Variants in NREP observed in about 807,000 individuals in gnomAD.
NREP encodes the protein neuronal regeneration-related protein.
NREP carries 5 observed loss-of-function variants against 8.6 expected under a neutral mutation model. The ratio of observed to expected loss-of-function variants is 0.58; its 90% CI spans 0.30 to 1.22. NREP has a LOEUF of 1.22. Ranked by LOEUF, NREP falls within the 50% of genes most tolerant of loss-of-function variation. The probability of loss-of-function intolerance (pLI) is 0.07; values close to 1 mark genes in which losing one functional copy is unlikely to be tolerated. For missense variants in NREP, 86 were observed against 82.5 expected (o/e 1.04, Z -0.17); for synonymous variants, 27 against 28.0 (o/e 0.96, Z 0.11).
chr5:111,876,202 T>A (rs1200808656), intron 2 of NREP, among the ~76,000 whole-genome samples: 2 of 152,222 alleles, frequency 1.3e-5, no homozygotes, highest in African/African-American at 4.8e-5. Context: ...CCATGCATGC[T>A]TCTAGCTTCC....
At chr5:111,749,362 C>T (rs73787369) in intron 2 of NREP, among the ~76,000 whole-genome samples, 2,173 of 152,050 alleles carry the variant, frequency 0.014, 52 homozygotes, top group African/African-American at 0.049. Flanking sequence ...CACATCATTT[C>T]ATGTTGAAAA....
intron 1 of NREP, chr5:111,976,651 T>C (rs914020454): frequency 7.1e-7 from 1 of 1,405,704 alleles, no homozygotes; most frequent in African/African-American, 1.4e-5. Context: ...CCTATAATTG[T>C]TTTCTTCCTT....
At chr5:111,785,243 T>C (rs555309092) in intron 2 of NREP, among the ~76,000 whole-genome samples, 1 of 152,326 alleles carries the variant, frequency 6.6e-6, no homozygotes, top group East Asian at 1.9e-4. Flanking sequence ...AACGTAGAGA[T>C]ATTCTACTCA....
intron 2 of NREP, among the ~76,000 whole-genome samples, chr5:111,803,105 G>T (rs1461943203): frequency 6.6e-6 from 1 of 152,148 alleles, no homozygotes; most frequent in African/African-American, 2.4e-5. Context: ...TGTTGGAGCA[G>T]GTCAGTGGAA....
At chr5:111,759,287 T>C (rs1750903068), upstream of NREP, among the ~76,000 whole-genome samples, 1 of 152,202 alleles carries the variant, frequency 6.6e-6, no homozygotes, top group African/African-American at 2.4e-5. Context: ...CCCAGTGATA[T>C]TTGTTCAAAA....
intron 2 of NREP, among the ~76,000 whole-genome samples, chr5:111,834,798 T>C (rs1463371751): frequency 3.9e-5 from 6 of 152,176 alleles, no homozygotes; most frequent in Admixed American, 3.3e-4. Context: ...GTAGATAATT[T>C]TTCCCCCCAG....
chr5:111,875,936 T>G (rs529765150), intron 2 of NREP, among the ~76,000 whole-genome samples: 3 of 152,268 alleles, frequency 2.0e-5, no homozygotes, highest in South Asian at 4.1e-4. Context: ...CCGTGAAATG[T>G]AAGGGGTTTT....
chr5:111,751,112 T>C (rs1444869408), intron 2 of NREP, among the ~76,000 whole-genome samples: 2 of 152,210 alleles, frequency 1.3e-5, no homozygotes, highest in African/African-American at 2.4e-5. Context: ...TTAATATGCA[T>C]AGATGAAATA....
intron 2 of NREP, among the ~76,000 whole-genome samples, chr5:111,925,265 G>T (rs57901295): frequency 0.059 from 8,974 of 151,922 alleles, 631 homozygotes; most frequent in East Asian, 0.23. Flanking sequence ...TCTGGACGGA[G>T]ATGTCTCTCC....
At chr5:111,789,869 G>A (rs925586094) in intron 2 of NREP, among the ~76,000 whole-genome samples, 9 of 152,236 alleles carry the variant, frequency 5.9e-5, no homozygotes, top group Middle Eastern at 6.8e-3. Flanking sequence ...GGCAATGGAA[G>A]AGCTTCCTTG....
intron 2 of NREP, among the ~76,000 whole-genome samples, chr5:111,915,905 A>G (rs1335934051): frequency 6.6e-6 from 1 of 152,130 alleles, no homozygotes; most frequent in Non-Finnish European, 1.5e-5. Context: ...CGCTAATATT[A>G]CTAGAAGAAT....
At chr5:111,845,158 G>T (rs139771042) in intron 2 of NREP, among the ~76,000 whole-genome samples, 53 of 152,156 alleles carry the variant, frequency 3.5e-4, no homozygotes, top group African/African-American at 1.3e-3. Context: ...GAATTTACAT[G>T]CTTACTTCAC....
intron 2 of NREP, among the ~76,000 whole-genome samples, chr5:111,861,914 A>G (rs1753552384): frequency 6.6e-6 from 1 of 152,058 alleles, no homozygotes; most frequent in African/African-American, 2.4e-5. Context: ...TTCAAATATC[A>G]AGTAAAAAAT....
chr5:111,745,360 AC>A (rs1403139011), intron 2 of NREP, among the ~76,000 whole-genome samples: 1 of 152,224 alleles, frequency 6.6e-6, no homozygotes, highest in African/African-American at 2.4e-5. Context: ...TGGCTTGGCC[AC>A]ATTAAGACTT....
At chr5:111,918,031 T>A (rs963201424) in intron 2 of NREP, among the ~76,000 whole-genome samples, 1 of 152,150 alleles carries the variant, frequency 6.6e-6, no homozygotes, top group South Asian at 2.1e-4. Flanking sequence ...AAAATCAATA[T>A]GCAAAAATCA....
intron 2 of NREP, among the ~76,000 whole-genome samples, chr5:111,753,856 A>C (rs1423804965): frequency 1.3e-5 from 2 of 152,156 alleles, no homozygotes; most frequent in Non-Finnish European, 2.9e-5. Context: ...AGGCAGAAAG[A>C]GGAGATACAA....
chr5:111,946,983 A>G (rs1455325651), intron 2 of NREP, among the ~76,000 whole-genome samples: 1 of 152,092 alleles, frequency 6.6e-6, no homozygotes, highest in Non-Finnish European at 1.5e-5. Context: ...CAACTATTCC[A>G]ATGTTTTTCT....
At chr5:111,917,436 T>C (rs1159104603) in intron 2 of NREP, among the ~76,000 whole-genome samples, 1 of 152,190 alleles carries the variant, frequency 6.6e-6, no homozygotes, top group Admixed American at 6.6e-5. Context: ...ATATCCCTGC[T>C]GAACACCAAT....
intron 2 of NREP, among the ~76,000 whole-genome samples, chr5:111,899,212 C>G (rs1754584496): frequency 6.6e-6 from 1 of 152,002 alleles, no homozygotes; most frequent in Admixed American, 6.6e-5. Context: ...TTTATTGCTA[C>G]AAAATAACCA....
Sources: gnomAD v4.1 joint callset for allele counts (sites outside exome capture counted in the v4.1 genomes callset) on GRCh38, gnomAD v4.1.1 for gene constraint, MANE v1.5 for transcripts, NCBI Gene and HGNC (gene_info 2026-07-23, HGNC 2026-07-21) for gene names.